The following SSBP3 variants were observed in gnomAD, a reference collection of about 807,000 sequenced individuals.
The protein encoded by SSBP3 is single-stranded DNA-binding protein 3.
A neutral mutation model predicts 69.6 loss-of-function variants in SSBP3; 5 were observed. The observed-to-expected ratio is 0.07, with a 90% CI of 0.04 to 0.15. The LOEUF is 0.15. SSBP3 is among the 10% of genes least tolerant of loss of function. The pLI is 1.00. For missense variants in SSBP3, 312 were observed against 534.0 expected (o/e 0.58, Z 4.10); for synonymous variants, 196 against 193.4 (o/e 1.01, Z -0.11).
At chr1:54,383,362 A>G (rs1410116820) in intron 4 of SSBP3, among the ~76,000 whole-genome samples, 6 of 151,280 alleles carry the variant, frequency 4.0e-5, no homozygotes, top group Non-Finnish European at 7.4e-5. Flanking sequence ...TGGGTGACAG[A>G]GCGAGACTCC....
At chr1:54,411,753 A>G (rs1345564442) in intron 1 of SSBP3, among the ~76,000 whole-genome samples, 1 of 152,076 alleles carries the variant, frequency 6.6e-6, no homozygotes, top group Admixed American at 6.6e-5. Flanking sequence ...TTAGCTGGGC[A>G]TGGTGGCGGG....
chr1:54,327,399 A>T (rs1557534866), intron 4 of SSBP3, among the ~76,000 whole-genome samples: 1 of 152,108 alleles, frequency 6.6e-6, no homozygotes, highest in Non-Finnish European at 1.5e-5. Flanking sequence ...GCCCCGGGAA[A>T]GCCATGGCAT....
chr1:54,310,774 T>C (rs1382764188), intron 4 of SSBP3, among the ~76,000 whole-genome samples: 7 of 152,190 alleles, frequency 4.6e-5, no homozygotes, highest in Non-Finnish European at 8.8e-5. Flanking sequence ...AAGTACAGTA[T>C]TTCCACTTGC....
In SSBP3 at chr1:54,311,475, C is replaced by A. The variant is rs7541461; in HGVS notation, c.277-29948G>T. 4.3e-3 allele frequency among the ~76,000 whole-genome samples: 662 copies of A among 152,286 alleles called. 4 individuals carry two copies. The highest frequency in any genetic ancestry group is 0.015 in the African/African-American group (626 of 41,558). On this transcript the variant is annotated intron_variant, in intron 4 of 17. Transcript: ENST00000610401. Reference sequence around the variant, plus strand: ...ACTTGCAGGACCTGTCGTGAGGCTCCTCCAGGGACAATGGAGGTAAAAGAG... The same window carrying A: ...ACTTGCAGGACCTGTCGTGAGGCTCATCCAGGGACAATGGAGGTAAAAGAG...
intron 4 of SSBP3, among the ~76,000 whole-genome samples, chr1:54,335,118 C>T (rs533648909): frequency 3.2e-4 from 48 of 152,280 alleles, no homozygotes; most frequent in African/African-American, 1.1e-3. Context: ...GCCAGCTCTG[C>T]CCTTTGTTTG....
upstream of SSBP3, among the ~76,000 whole-genome samples, chr1:54,406,695 A>G (rs1649800721): frequency 6.6e-6 from 1 of 150,808 alleles, no homozygotes; most frequent in East Asian, 2.0e-4. Flanking sequence ...CCCAGCGAGG[A>G]GGGGGATCTG....
intron 5 of SSBP3, among the ~76,000 whole-genome samples, chr1:54,268,497 T>C (rs1008575006): frequency 3.9e-5 from 6 of 152,168 alleles, no homozygotes; most frequent in African/African-American, 1.4e-4. Flanking sequence ...TAAAAAGTAA[T>C]GATTCGTCAT....
chr1:54,404,834 G>C (rs369662811), intron 2 of SSBP3, 24 bp downstream of exon 2: 1 of 1,491,922 alleles, frequency 6.7e-7, no homozygotes, highest in South Asian at 1.1e-5. Flanking sequence ...CAAGAAATTG[G>C]ATGCTGGGGG....
chr1:54,233,951 G>C (rs1400676947), intron 14 of SSBP3, among the ~76,000 whole-genome samples: 2 of 152,238 alleles, frequency 1.3e-5, no homozygotes, highest in Admixed American at 6.5e-5. Context: ...GATGGTTGCC[G>C]TGTCTGTGTA....
At chr1:54,356,772 C>G (rs147155260) in intron 4 of SSBP3, 1 of 152,398 alleles carries the variant, frequency 6.6e-6, no homozygotes, top group Non-Finnish European at 1.5e-5. Flanking sequence ...ACCCACATAT[C>G]TACAAGTCAT....
At chr1:54,327,205 GA>G (rs1322437415) in intron 4 of SSBP3, among the ~76,000 whole-genome samples, 6 of 140,478 alleles carry the variant, frequency 4.3e-5, no homozygotes, top group African/African-American at 1.6e-4. Context: ...TGCTCAACAG[GA>G]AAGAGAGGGA....
chr1:54,262,737 TG>T (rs1222185618), intron 5 of SSBP3, among the ~76,000 whole-genome samples: 2 of 152,180 alleles, frequency 1.3e-5, no homozygotes, highest in African/African-American at 2.4e-5. Context: ...CAACCGGAAC[TG>T]GGATGAGAAC....
exon 12 of SSBP3, chr1:54,241,501 G>A (rs370319367): frequency 8.5e-5 from 137 of 1,614,002 alleles, no homozygotes; most frequent in Non-Finnish European, 1.1e-4. Flanking sequence ...ATGAGGAGGA[G>A]TATGGAATCT....
chr1:54,270,840 A>G (rs1334646180), intron 5 of SSBP3, among the ~76,000 whole-genome samples: 1 of 152,190 alleles, frequency 6.6e-6, no homozygotes, highest in African/African-American at 2.4e-5. Context: ...CAGATGAAGC[A>G]ACTGAGGTTC....
At chr1:54,232,318 A>G (rs1247857385) in intron 14 of SSBP3, among the ~76,000 whole-genome samples, 1 of 152,076 alleles carries the variant, frequency 6.6e-6, no homozygotes, top group South Asian at 2.1e-4. Context: ...TTTTTTAGAG[A>G]TGAGGTCTTG....
intron 4 of SSBP3, among the ~76,000 whole-genome samples, chr1:54,342,999 G>A (rs1197327614): frequency 1.3e-5 from 2 of 152,108 alleles, no homozygotes; most frequent in Non-Finnish European, 2.9e-5. Flanking sequence ...CACGCCAGCC[G>A]GGACACTTTG....
At chr1:54,361,832 C>T (rs1314948593) in intron 4 of SSBP3, among the ~76,000 whole-genome samples, 3 of 152,174 alleles carry the variant, frequency 2.0e-5, no homozygotes, top group African/African-American at 7.2e-5. Flanking sequence ...AATGTGGATT[C>T]TCATTTAATG....
intron 9 of SSBP3, among the ~76,000 whole-genome samples, chr1:54,249,091 AGT>A (rs1644781667): frequency 6.6e-6 from 1 of 152,058 alleles, no homozygotes; most frequent in Non-Finnish European, 1.5e-5. Context: ...TGTGCCAAAG[AGT>A]GTGCTGGACT....
At chr1:54,285,591 A>G (rs1262558756) in intron 4 of SSBP3, 1 of 152,194 alleles carries the variant, frequency 6.6e-6, no homozygotes, top group African/African-American at 2.4e-5. Context: ...TACGTGTATA[A>G]TTCAGAGACC....
Sources: allele counts gnomAD v4.1 joint callset (sites outside exome capture counted in the v4.1 genomes callset), GRCh38; gene constraint gnomAD v4.1.1; transcripts MANE v1.5; gene names NCBI Gene and HGNC (gene_info 2026-07-23, HGNC 2026-07-21).